Variants in TUSC3 observed in about 807,000 individuals in gnomAD.
TUSC3 encodes the protein dolichyl-diphosphooligosaccharide--protein glycosyltransferase subunit TUSC3.
Under a neutral mutation model 44.8 loss-of-function variants are expected in TUSC3, and 45 were observed. The ratio of observed to expected loss-of-function variants is 1.00; its 90% CI spans 0.79 to 1.29. The LOEUF (loss-of-function observed/expected upper bound fraction) is 1.29. Among genes scored for constraint, TUSC3 ranks in the 50% most tolerant of loss-of-function variants. The pLI is 0.00. For synonymous variants in TUSC3, 212 were observed against 152.9 expected, an observed-to-expected ratio of 1.39 and a Z score of -2.85; for missense variants, 519 against 437.9, an observed-to-expected ratio of 1.19 and a Z score of -1.65.
chr8:15,845,823 T>G, the TUSC3 span, among the ~76,000 whole-genome samples: 1 of 152,186 alleles, frequency 6.6e-6, no homozygotes, highest in East Asian at 1.9e-4. Context: ...TACTCATCTG[T>G]AACAGAATTA....
the TUSC3 span, among the ~76,000 whole-genome samples, chr8:15,818,613 A>G: frequency 6.6e-6 from 1 of 152,168 alleles, no homozygotes; most frequent in Non-Finnish European, 1.5e-5. Context: ...GACACGGAGG[A>G]TCAGAACAGG....
intron 1 of TUSC3, among the ~76,000 whole-genome samples, chr8:15,479,895 G>A (rs571561354): frequency 6.6e-5 from 10 of 152,256 alleles, no homozygotes; most frequent in African/African-American, 2.4e-4. Context: ...CCTATATGTG[G>A]AAAACACCAT....
chr8:15,850,877 T>A, the TUSC3 span, among the ~76,000 whole-genome samples: 1 of 152,224 alleles, frequency 6.6e-6, no homozygotes, highest in East Asian at 1.9e-4. Flanking sequence ...AGTTGAAACC[T>A]CCTTCGAATT....
the TUSC3 span, chr8:15,807,071 G>T: frequency 1.7e-5 from 23 of 1,387,906 alleles, no homozygotes; most frequent in African/African-American, 2.8e-5. Context: ...AATGCTCACA[G>T]CAGTATTTGG....
chr8:15,732,672 T>C (rs1002114934), intron 7 of TUSC3, among the ~76,000 whole-genome samples: 2 of 152,216 alleles, frequency 1.3e-5, no homozygotes, highest in South Asian at 2.1e-4. Context: ...ACCCGTTAAA[T>C]TGTATAACTT....
Position 15,621,164 on chromosome 8 carries a change from T to A in TUSC3, c.139-1916T>A, listed in dbSNP as rs113752589. 2.4e-3 allele frequency among the ~76,000 whole-genome samples: 372 copies of A among 151,862 alleles called. 5 individuals are homozygous for A. The highest frequency in any genetic ancestry group is 8.7e-3 in the African/African-American group (362 of 41,418). ...TCACAGTCTCTAAATACTTAAAAAA[T>A]AAATATTTATATAGTTTTTATCTTA... On this transcript the variant is annotated intron_variant, in intron 1 of 10. Coordinates refer to ENST00000503731, the MANE Select transcript of TUSC3 (RefSeq NM_006765.4).
intron 1 of TUSC3, among the ~76,000 whole-genome samples, chr8:15,542,319 A>G (rs1363376304): frequency 1.3e-5 from 2 of 152,160 alleles, no homozygotes; most frequent in Non-Finnish European, 2.9e-5. Flanking sequence ...GGCAGACTTC[A>G]GAGAGAATAG....
intron 1 of TUSC3, among the ~76,000 whole-genome samples, chr8:15,559,509 T>C (rs1802379764): frequency 2.1e-5 from 3 of 142,936 alleles, no homozygotes; most frequent in African/African-American, 7.7e-5. Context: ...TCTGTAGATG[T>C]CTGTTAGGTC....
At chr8:15,800,987 G>C in the TUSC3 span, among the ~76,000 whole-genome samples, 2 of 152,108 alleles carry the variant, frequency 1.3e-5, no homozygotes, top group Non-Finnish European at 2.9e-5. Context: ...TATTTTAGCT[G>C]TTACAAGAAA....
intron 1 of TUSC3, among the ~76,000 whole-genome samples, chr8:15,455,765 G>A (rs900974885): frequency 6.6e-6 from 1 of 152,102 alleles, no homozygotes; most frequent in Non-Finnish European, 1.5e-5. Flanking sequence ...CTGGCCTTAG[G>A]CCAAGGTAAC....
At chr8:15,491,689 A>C (rs1800811241) in intron 2 of TUSC3, among the ~76,000 whole-genome samples, 1 of 152,190 alleles carries the variant, frequency 6.6e-6, no homozygotes, top group Non-Finnish European at 1.5e-5. Flanking sequence ...AGGCTGGAGA[A>C]ACTAAGGCTA....
chr8:15,451,742 A>G (rs1010142144), intron 1 of TUSC3, among the ~76,000 whole-genome samples: 1 of 152,036 alleles, frequency 6.6e-6, no homozygotes, highest in Admixed American at 6.6e-5. Context: ...TGGGGGCAAT[A>G]TTGTGTGACT....
At chr8:15,577,465 T>G (rs1277187272) in intron 1 of TUSC3, among the ~76,000 whole-genome samples, 1 of 151,578 alleles carries the variant, frequency 6.6e-6, no homozygotes, top group African/African-American at 2.4e-5. Context: ...TTTAAATCTT[T>G]AATCCATCTT....
Position 15,446,928 on chromosome 8 carries a change from TAC to T in TUSC3, n.91+29625_91+29626del, listed in dbSNP as rs1800112810. ...AAAAAAACAAAGGAGGTAAAATTAA[TAC>T]AGACTTAAAAATGCAATATTAAAAT... On this transcript the variant is annotated intron_variant and non_coding_transcript_variant, in intron 1 of 5. Transcript: ENST00000503191. Among the ~76,000 whole-genome samples, 2 of 151,054 alleles carry T rather than the reference TAC, an allele frequency of 1.3e-5. 1 individual carries two copies. Among genetic ancestry groups the T allele is most frequent in the South Asian group, 4.2e-4 (2 of 4,780 alleles).
At chr8:15,663,740 G>A (rs981461996) in intron 5 of TUSC3, among the ~76,000 whole-genome samples, 17 of 151,786 alleles carry the variant, frequency 1.1e-4, no homozygotes, top group Non-Finnish European at 2.9e-5. Flanking sequence ...TAAAGTTATT[G>A]GACACTATGG....
At chr8:15,595,423 T>C (rs1243462113) in intron 1 of TUSC3, among the ~76,000 whole-genome samples, 1 of 152,138 alleles carries the variant, frequency 6.6e-6, no homozygotes, top group Non-Finnish European at 1.5e-5. Flanking sequence ...GCCTGTACTC[T>C]CCCTCTCTGT....
At chr8:15,452,333 A>C (rs1239437765) in intron 1 of TUSC3, among the ~76,000 whole-genome samples, 1 of 152,202 alleles carries the variant, frequency 6.6e-6, no homozygotes, top group Non-Finnish European at 1.5e-5. Flanking sequence ...AAGATCAAAC[A>C]CAAAATTTGG....
chr8:15,421,211 C>A lies in TUSC3; in HGVS notation n.91+3906C>A, dbSNP rs527374729. Among the ~76,000 whole-genome samples, 58 of 152,268 alleles carry A rather than the reference C, an allele frequency of 3.8e-4. 2 individuals are homozygous for A. The South Asian group carries it at 0.011, about 30-fold the overall frequency. Reference sequence around the variant, plus strand: ...TTCCTTAAAGTTAGATCTTGTAACCCCTCTGCCCCTGCAACATCCCCCTCA... The same window carrying A: ...TTCCTTAAAGTTAGATCTTGTAACCACTCTGCCCCTGCAACATCCCCCTCA... On this transcript the variant is annotated intron_variant and non_coding_transcript_variant, in intron 1 of 5. Transcript: ENST00000503191.
chr8:15,509,363 C>A (rs1229009182), intron 2 of TUSC3, among the ~76,000 whole-genome samples: 1 of 152,184 alleles, frequency 6.6e-6, no homozygotes, highest in African/African-American at 2.4e-5. Flanking sequence ...AATCCGAACG[C>A]TTTGGGAGGC....
Sources: allele counts gnomAD v4.1 joint callset (sites outside exome capture counted in the v4.1 genomes callset), GRCh38; gene constraint gnomAD v4.1.1; transcripts MANE v1.5; gene names NCBI Gene and HGNC (gene_info 2026-07-23, HGNC 2026-07-21).